OCA2: variants seen among roughly 807,000 people sequenced by gnomAD.
OCA2 encodes OCA2 melanosomal transmembrane protein, also known as P protein.
OCA2 carries 77 observed loss-of-function variants against 100.2 expected under a neutral mutation model. The observed-to-expected ratio is 0.77, with a 90% CI of 0.64 to 0.93. The LOEUF (loss-of-function observed/expected upper bound fraction) is 0.93, where lower values mean the gene tolerates loss of function less well. Ranked by LOEUF, OCA2 falls within the 40% of genes least tolerant of loss-of-function variation. The pLI is 0.00. For missense variants in OCA2, 1,062 were observed against 1,089.1 expected (o/e 0.98, Z 0.35); for synonymous variants, 432 against 439.2 (o/e 0.98, Z 0.21).
At chr15:27,828,125 G>C (rs997126166) in intron 23 of OCA2, among the ~76,000 whole-genome samples, 3 of 152,124 alleles carry the variant, frequency 2.0e-5, no homozygotes, top group Non-Finnish European at 4.4e-5. Flanking sequence ...CCCTGCATTG[G>C]CGCCAGGGCC....
At chr15:27,936,025 T>C (rs1276235699) in intron 18 of OCA2, among the ~76,000 whole-genome samples, 1 of 152,184 alleles carries the variant, frequency 6.6e-6, no homozygotes, top group Non-Finnish European at 1.5e-5. Flanking sequence ...GTGCATACCA[T>C]ATACAGTACA....
At chr15:27,844,240 A>C (rs1049741659) in intron 23 of OCA2, among the ~76,000 whole-genome samples, 1 of 152,062 alleles carries the variant, frequency 6.6e-6, no homozygotes, top group African/African-American at 2.4e-5. Context: ...TCCTCCTGAG[A>C]GGTGCCCACA....
At chr15:27,730,744 T>A in the OCA2 span, among the ~76,000 whole-genome samples, 1 of 20,588 alleles carries the variant, frequency 4.9e-5, no homozygotes, top group Non-Finnish European at 7.3e-5. Context: ...TATATATATA[T>A]ATATATATAT....
At chr15:27,815,671 C>A (rs900180990) in intron 23 of OCA2, among the ~76,000 whole-genome samples, 1 of 152,178 alleles carries the variant, frequency 6.6e-6, no homozygotes, top group East Asian at 1.9e-4. Context: ...TAAACAATGA[C>A]CCCTCATAGG....
At chr15:28,027,232 T>TACTCCC (rs1313399263) in intron 4 of OCA2, among the ~76,000 whole-genome samples, 1 of 152,088 alleles carries the variant, frequency 6.6e-6, no homozygotes, top group African/African-American at 2.4e-5. Context: ...CACGCATGCG[T>TACTCCC]ACTCCCACTC....
intron 23 of OCA2, among the ~76,000 whole-genome samples, chr15:27,773,605 G>A (rs1327548203): frequency 2.0e-5 from 3 of 152,214 alleles, no homozygotes; most frequent in African/African-American, 4.8e-5. Flanking sequence ...TAATCCTCAC[G>A]ATAATTCTGT....
At chr15:28,048,405 A>G (rs564306930) in intron 2 of OCA2, among the ~76,000 whole-genome samples, 2 of 152,336 alleles carry the variant, frequency 1.3e-5, no homozygotes, top group South Asian at 4.1e-4. Flanking sequence ...ATGGCCAACC[A>G]GTTTTGTGGC....
chr15:28,022,875 A>G (rs914589951), intron 5 of OCA2, among the ~76,000 whole-genome samples: 1 of 152,250 alleles, frequency 6.6e-6, no homozygotes, highest in African/African-American at 2.4e-5. Flanking sequence ...ATAAAGGCAT[A>G]TGACCCCTGT....
At chr15:27,902,069 T>C (rs2037959928) in intron 19 of OCA2, among the ~76,000 whole-genome samples, 1 of 152,204 alleles carries the variant, frequency 6.6e-6, no homozygotes, top group South Asian at 2.1e-4. Flanking sequence ...ATGTCTAATA[T>C]TCCCTCTGAT....
intron 23 of OCA2, among the ~76,000 whole-genome samples, chr15:27,835,170 A>G (rs912171153): frequency 2.0e-5 from 3 of 152,246 alleles, no homozygotes; most frequent in African/African-American, 7.2e-5. Flanking sequence ...CAAGTGACAG[A>G]AAACCCAACC....
chr15:27,919,560 C>G (rs2038786138), intron 19 of OCA2, among the ~76,000 whole-genome samples: 1 of 152,108 alleles, frequency 6.6e-6, no homozygotes, highest in Non-Finnish European at 1.5e-5. Context: ...ATAAGACATT[C>G]TGGAAAATTC....
downstream of OCA2, among the ~76,000 whole-genome samples, chr15:27,752,383 T>C (rs1299328818): frequency 6.6e-6 from 1 of 152,194 alleles, no homozygotes; most frequent in Non-Finnish European, 1.5e-5. Context: ...AAGCACTGGA[T>C]TGTTCACCTA....
intron 19 of OCA2, among the ~76,000 whole-genome samples, chr15:27,879,402 T>G (rs1004116755): frequency 1.3e-5 from 2 of 152,118 alleles, no homozygotes; most frequent in East Asian, 1.9e-4. Context: ...AATGGTATTT[T>G]GGGCCCTAGG....
chr15:27,906,875 G>C (rs1274518961), intron 19 of OCA2, among the ~76,000 whole-genome samples: 1 of 152,182 alleles, frequency 6.6e-6, no homozygotes, highest in Non-Finnish European at 1.5e-5. Flanking sequence ...GCCTCAGGCT[G>C]CTCCCACTTG....
chr15:27,766,588 C>G (rs1438235629), intron 23 of OCA2, among the ~76,000 whole-genome samples: 1 of 152,176 alleles, frequency 6.6e-6, no homozygotes, highest in African/African-American at 2.4e-5. Context: ...TTAAATGTCT[C>G]TCTGGAAGCC....
intron 23 of OCA2, among the ~76,000 whole-genome samples, chr15:27,817,047 G>A (rs1038419179): frequency 7.9e-5 from 12 of 152,052 alleles, no homozygotes; most frequent in African/African-American, 2.9e-4. Flanking sequence ...CAAAGCCAAG[G>A]CCAGCAACCC....
rs112610064 is a variant in OCA2 at position 27,767,460 on chromosome 15, A to G, written c.2433-11988T>C. ...TAACTAGAGGATTGTAAATGCACCA[A>G]TCAGCACTCTGTGTCTAGCTAAAGG... On this transcript the variant is annotated intron_variant, in intron 23 of 23. Coordinates refer to ENST00000354638, the MANE Select transcript of OCA2 (RefSeq NM_000275.3). Among the ~76,000 whole-genome samples, 170 of 152,274 alleles carry G rather than the reference A, an allele frequency of 1.1e-3. 1 individual carries two copies. Among genetic ancestry groups the G allele is most frequent in the African/African-American group, 3.9e-3 (160 of 41,540 alleles).
chr15:27,912,393 T>C (rs1439473620), intron 19 of OCA2, among the ~76,000 whole-genome samples: 1 of 152,026 alleles, frequency 6.6e-6, no homozygotes, highest in African/African-American at 2.4e-5. Flanking sequence ...TTCAGGAACA[T>C]TTTATGATGT....
At chr15:27,806,675 T>C (rs2033866445) in intron 23 of OCA2, among the ~76,000 whole-genome samples, 1 of 152,242 alleles carries the variant, frequency 6.6e-6, no homozygotes, top group African/African-American at 2.4e-5. Context: ...CACACATGCT[T>C]AGCATGATTC....
Sources: allele counts gnomAD v4.1 joint callset (sites outside exome capture counted in the v4.1 genomes callset), GRCh38; gene constraint gnomAD v4.1.1; transcripts MANE v1.5; gene names NCBI Gene and HGNC (gene_info 2026-07-23, HGNC 2026-07-21).